DCLRE1B: variants seen among roughly 807,000 people sequenced by gnomAD.
The protein encoded by DCLRE1B is 5' exonuclease Apollo.
A neutral mutation model predicts 19.8 loss-of-function variants in DCLRE1B; 6 were observed. That is an observed-to-expected ratio of 0.30 (90% CI 0.17 to 0.60). The LOEUF (loss-of-function observed/expected upper bound fraction) is 0.60. Ranked by LOEUF, DCLRE1B falls within the 20% of genes least tolerant of loss-of-function variation. DCLRE1B has a pLI of 0.87. For synonymous variants in DCLRE1B, 258 were observed against 255.7 expected (o/e 1.01, Z -0.09); for missense variants, 622 against 654.2 (o/e 0.95, Z 0.54).
chr1:113,907,765 C>T (rs1470200642), intron 2 of DCLRE1B, among the ~76,000 whole-genome samples: 6 of 152,164 alleles, frequency 3.9e-5, no homozygotes, highest in South Asian at 4.1e-4. Flanking sequence ...TGAGCCACTG[C>T]GCCTGGCCGA....
upstream of DCLRE1B, chr1:113,905,196 G>A (rs1474812337): frequency 3.0e-6 from 1 of 333,540 alleles, no homozygotes. Context: ...GCGTAGTCCC[G>A]ACTCCGACCT....
intron 3 of DCLRE1B, among the ~76,000 whole-genome samples, chr1:113,910,677 G>A (rs1669220241): frequency 6.6e-6 from 1 of 151,890 alleles, no homozygotes; most frequent in Non-Finnish European, 1.5e-5. Context: ...GTTTATTTTT[G>A]TAGAGACAGG....
At chr1:113,906,908 T>A (rs1345190309) in intron 1 of DCLRE1B, 88 bp from the exon 2 acceptor site, 57 of 1,483,656 alleles carry the variant, frequency 3.8e-5, no homozygotes, top group Non-Finnish European at 5.0e-5. Flanking sequence ...TTGGTCAGCT[T>A]TCCTGATTCA....
At chr1:113,907,189 T>G in intron 2 of DCLRE1B, 28 bp downstream of exon 2, 3 of 1,033,604 alleles carry the variant, frequency 2.9e-6, no homozygotes, top group Non-Finnish European at 4.2e-6. Context: ...TCCCAGTGAC[T>G]TCTCCAGACT....
chr1:113,910,008 C>T (rs1669196241), intron 3 of DCLRE1B, among the ~76,000 whole-genome samples: 1 of 152,154 alleles, frequency 6.6e-6, no homozygotes, highest in Non-Finnish European at 1.5e-5. Flanking sequence ...AGTCTGAGAA[C>T]AGCTATTAAA....
chr1:113,907,926 C>G (rs148566085), intron 2 of DCLRE1B, 83 bp from the exon 3 acceptor site: 175 of 1,466,622 alleles, frequency 1.2e-4, no homozygotes, highest in Non-Finnish European at 1.6e-4. Context: ...TAAGCAAACG[C>G]CTGTCTATTG....
intron 3 of DCLRE1B, among the ~76,000 whole-genome samples, chr1:113,910,204 G>T (rs1669202587): frequency 6.6e-6 from 1 of 152,040 alleles, no homozygotes; most frequent in Admixed American, 6.6e-5. Context: ...TTATTCTTAT[G>T]ATTAGAATTA....
chr1:113,911,066 G>C (rs999961051), intron 3 of DCLRE1B, 65 bp from the exon 4 acceptor site: 19 of 1,437,350 alleles, frequency 1.3e-5, no homozygotes, highest in Non-Finnish European at 1.8e-5. Flanking sequence ...TGATTTATTA[G>C]GATTTTCCAA....
Position 113,907,079 on chromosome 1 carries a change from C to T in DCLRE1B, c.273C>T (p.Thr91=), listed in dbSNP as rs199758910. ...PLDEIGQETM[T]VTLLDANHCP... is the part of the protein sequence containing the mutation. ...ATGAAATTGGACAAGAGACCATGACCGTAACCCTCCTCGATGCCAATCACT... is the reference window on the plus strand; with the variant it reads ...ATGAAATTGGACAAGAGACCATGACTGTAACCCTCCTCGATGCCAATCACT... Residue 91 remains threonine, a synonymous_variant, in exon 2 of 4, where the codon ACC becomes ACT. Transcript: ENST00000650450. The T allele has an allele frequency of 1.2e-5, 19 of 1,614,020 alleles. No homozygotes were observed. The highest frequency in any genetic ancestry group is 1.1e-4 in the African/African-American group (8 of 74,968).
chr1:113,904,651 G>T (rs752491831), upstream of DCLRE1B: 2 of 1,613,552 alleles, frequency 1.2e-6, no homozygotes, highest in Non-Finnish European at 1.7e-6. Context: ...CTATCAGCTT[G>T]AATGTGAGGA....
chr1:113,905,545 C>T lies in DCLRE1B; in HGVS notation c.-42C>T. ...TGGAAGCCTCACGCAGGAGCCCTGC[C>T]CCCGTGGAGAAGATCCCACTGGTGA... is the stretch of plus-strand genomic sequence containing the variant. On this transcript the variant is annotated 5_prime_UTR_variant, in exon 1 of 4. Coordinates refer to ENST00000650450, the MANE Select transcript of DCLRE1B (RefSeq NM_022836.4). 2 of 1,597,614 alleles carry T rather than the reference C, an allele frequency of 1.3e-6. No individual in the cohort carries two copies. The highest frequency in any genetic ancestry group is 1.7e-6 in the Non-Finnish European group (2 of 1,169,942).
chr1:113,909,629 T>C (rs1046750292), intron 3 of DCLRE1B, among the ~76,000 whole-genome samples: 1 of 152,204 alleles, frequency 6.6e-6, no homozygotes, highest in Non-Finnish European at 1.5e-5. Flanking sequence ...ACCTAACCAT[T>C]CTTAATATTT....
intron 2 of DCLRE1B, 43 bp downstream of exon 2, chr1:113,907,204 GTTTTTTTTTTTTTTTT>G (rs71090746): frequency 4.7e-4 from 232 of 492,398 alleles, no homozygotes; most frequent in Non-Finnish European, 5.7e-4. Flanking sequence ...CAGACTAGAT[GTTTTTTTTTTTTTTTT>G]TTTTTTTTTT....
At chr1:113,905,180 C>T, upstream of DCLRE1B, 1 of 340,804 alleles carries the variant, frequency 2.9e-6, no homozygotes, top group Non-Finnish European at 5.6e-6. Context: ...CGCGAGCGAG[C>T]GCTAAGCGTA....
In DCLRE1B at chr1:113,913,795, G is replaced by A. The variant is rs1000639581; in HGVS notation, c.*1604G>A. The A allele has an allele frequency of 3.3e-5, 5 of 151,998 alleles. No homozygotes were observed. Among genetic ancestry groups the A allele is most frequent in the Non-Finnish European group, 7.4e-5 (5 of 67,944 alleles). The allele number at this position is 151,998 out of a possible 1,614,324, so 9.4% of individuals were successfully genotyped here. On this transcript the variant is annotated 3_prime_UTR_variant, in exon 4 of 4. Coordinates refer to ENST00000650450, the MANE Select transcript of DCLRE1B (RefSeq NM_022836.4). Reference sequence around the variant, plus strand: ...AAAAAACAAAAAATTTTAATTCCTCGTAGATTAATTGATTTGCTATCTTTT... The same window carrying A: ...AAAAAACAAAAAATTTTAATTCCTCATAGATTAATTGATTTGCTATCTTTT...
intron 3 of DCLRE1B, among the ~76,000 whole-genome samples, chr1:113,909,321 T>C (rs1034988120): frequency 2.6e-5 from 4 of 152,234 alleles, no homozygotes; most frequent in African/African-American, 4.8e-5. Context: ...TGAGGACTCT[T>C]TCTTGGAGTT....
rs761535143 is a variant in DCLRE1B, at chr1:113,911,256, G to A, written c.664G>A (p.Val222Met). 5 of 1,614,180 alleles carry A rather than the reference G, an allele frequency of 3.1e-6. No individual in the cohort carries two copies. The East Asian group carries it at 1.1e-4, about 36-fold the overall frequency. ...QLLGLADVFT[V>M]EEKAGRIHAV... ...ACTGGGCCTGGCAGATGTGTTCACA[G>A]TGGAGGAGAAGGCTGGCCGCATCCA... The change falls in exon 4 of 4, where the codon GTG becomes ATG. Residue 222 changes from valine to methionine, a missense_variant. By Grantham distance (21) the Val-to-Met change is conservative. Transcript: ENST00000650450.
At chr1:113,910,228 T>C (rs1669203338) in intron 3 of DCLRE1B, among the ~76,000 whole-genome samples, 1 of 152,186 alleles carries the variant, frequency 6.6e-6, no homozygotes, top group Non-Finnish European at 1.5e-5. Context: ...ATTTTCCTGC[T>C]TCACACTCAG....
At position 113,911,976 on chromosome 1, in the gene DCLRE1B, G is replaced by A. The variant is rs28381079; in HGVS notation, c.1384G>A (p.Asp462Asn). ...GLGSPLVPMG[D>N]DDGGPEATGN... ...AGGGTCCCCCTTGGTACCCATGGGA[G>A]ATGATGATGGAGGTCCAGAAGCCAC... Residue 462 changes from aspartate (D) to asparagine (N), a missense_variant, in exon 4 of 4, where the codon GAT becomes AAT. Physicochemically the swap from Asp to Asn is conservative, Grantham distance 23. Coordinates refer to ENST00000650450, the MANE Select transcript of DCLRE1B (RefSeq NM_022836.4). The A allele has an allele frequency of 2.4e-3, 3,938 of 1,614,206 alleles. 82 individuals carry two copies. The African/African-American group carries it at 0.046, about 19-fold the overall frequency.
Sources: gnomAD v4.1 joint callset for allele counts (sites outside exome capture counted in the v4.1 genomes callset) on GRCh38, gnomAD v4.1.1 for gene constraint, MANE v1.5 for transcripts, NCBI Gene and HGNC (gene_info 2026-07-23, HGNC 2026-07-21) for gene names.